Variants in SMARCA2 observed in about 807,000 individuals in gnomAD.
SMARCA2 encodes SWI/SNF-related matrix-associated actin-dependent regulator of chromatin subfamily A member 2.
In SMARCA2, 61 loss-of-function variants were observed where a neutral mutation model predicts 199.8. The observed-to-expected ratio is 0.31, with a 90% CI of 0.25 to 0.38. The LOEUF (loss-of-function observed/expected upper bound fraction) is 0.38, where lower values mean the gene tolerates loss of function less well. SMARCA2 is among the 10% of genes least tolerant of loss of function. The pLI, the probability that SMARCA2 is intolerant of heterozygous loss-of-function variation, is 1.00. For missense variants in SMARCA2, 1,344 were observed against 2,012.2 expected, an observed-to-expected ratio of 0.67 and a Z score of 6.35; for synonymous variants, 935 against 732.0, an observed-to-expected ratio of 1.28 and a Z score of -4.48.
intron 24 of SMARCA2, among the ~76,000 whole-genome samples, chr9:2,113,261 C>A (rs894770472): frequency 6.6e-6 from 1 of 151,222 alleles, no homozygotes; most frequent in African/African-American, 2.4e-5. Flanking sequence ...GTGGAATTAA[C>A]AAAAAAAAAT....
intron 28 of SMARCA2, among the ~76,000 whole-genome samples, chr9:2,168,599 A>C (rs1273332777): frequency 6.6e-6 from 1 of 152,190 alleles, no homozygotes; most frequent in Non-Finnish European, 1.5e-5. Context: ...GCTTTCCCAC[A>C]CTGATTATCA....
At chr9:2,179,779 A>G (rs751765834) in intron 29 of SMARCA2, among the ~76,000 whole-genome samples, 15 of 152,244 alleles carry the variant, frequency 9.9e-5, no homozygotes, top group Non-Finnish European at 2.1e-4. Context: ...AGATGACACC[A>G]TGAAGATGTG....
chr9:2,174,300 C>T (rs1448603842), intron 29 of SMARCA2, among the ~76,000 whole-genome samples: 3 of 152,108 alleles, frequency 2.0e-5, no homozygotes, highest in African/African-American at 7.2e-5. Flanking sequence ...CCAAACCACT[C>T]TATAAATGTT....
chr9:2,142,623 T>C (rs1824519729), intron 27 of SMARCA2, among the ~76,000 whole-genome samples: 1 of 152,216 alleles, frequency 6.6e-6, no homozygotes. Context: ...GTTGAACGTC[T>C]TCAAGCCGTT....
chr9:2,152,779 G>A (rs1214155790), intron 27 of SMARCA2, among the ~76,000 whole-genome samples: 8 of 151,886 alleles, frequency 5.3e-5, no homozygotes, highest in Non-Finnish European at 1.2e-4. Flanking sequence ...TTGAACCTGG[G>A]AGGCGGAGGT....
intron 11 of SMARCA2, 93 bp downstream of exon 11, chr9:2,073,435 G>A: frequency 1.3e-6 from 2 of 1,544,580 alleles, no homozygotes; most frequent in Non-Finnish European, 8.9e-7. Context: ...CACAGCCTTT[G>A]CTGAGATGGT....
At chr9:2,057,204 A>G (rs950581840) in intron 7 of SMARCA2, among the ~76,000 whole-genome samples, 8 of 152,344 alleles carry the variant, frequency 5.3e-5, no homozygotes, top group Admixed American at 2.0e-4. Context: ...TCAGGGTACT[A>G]GCATGGCTGG....
At chr9:2,051,730 C>G (rs957419318) in intron 5 of SMARCA2, among the ~76,000 whole-genome samples, 13 of 152,178 alleles carry the variant, frequency 8.5e-5, no homozygotes, top group African/African-American at 3.1e-4. Flanking sequence ...TGCGGAATAA[C>G]CAAATCATTG....
At chr9:2,048,988 C>T (rs955945620) in intron 5 of SMARCA2, among the ~76,000 whole-genome samples, 1 of 152,136 alleles carries the variant, frequency 6.6e-6, no homozygotes, top group Admixed American at 6.5e-5. Flanking sequence ...TGTGGATGCT[C>T]TAAAATTCTG....
chr9:2,189,180 T>G (rs905664988), intron 32 of SMARCA2, among the ~76,000 whole-genome samples: 1 of 152,198 alleles, frequency 6.6e-6, no homozygotes, highest in Admixed American at 6.5e-5. Flanking sequence ...ATGGACATCT[T>G]GTGAGGAGAT....
rs868099341 is a variant in SMARCA2, at chr9:2,097,553, A to T, written c.3078+82A>T. ...AAAAAAAAACAAACAAACAGGAAAA[A>T]AAAAAACCAAAATAGATTTAAAACA... On this transcript the variant is annotated intron_variant, in intron 21 of 33. Transcript: ENST00000349721. 8,261 of 827,676 alleles carry T rather than the reference A, an allele frequency of 1.0e-2. 388 individuals carry two copies. In the African/African-American group the frequency reaches 0.11, roughly 11 times the overall value. The allele number at this position is 827,676 out of a possible 1,614,324, so 51.3% of individuals were successfully genotyped here.
intron 23 of SMARCA2, among the ~76,000 whole-genome samples, chr9:2,107,319 T>G (rs1249395690): frequency 6.6e-6 from 1 of 152,106 alleles, no homozygotes; most frequent in African/African-American, 2.4e-5. Flanking sequence ...TACAGTTTAT[T>G]TAATTTAATT....
intron 10 of SMARCA2, 148 bp downstream of exon 10, chr9:2,070,619 A>G (rs10964637): frequency 1.6e-6 from 1 of 616,964 alleles, no homozygotes; most frequent in Non-Finnish European, 2.9e-6. Context: ...GTAGAAAATT[A>G]GAATGATACA....
chr9:2,076,931 G>A (rs1232564599), intron 13 of SMARCA2, among the ~76,000 whole-genome samples: 1 of 152,078 alleles, frequency 6.6e-6, no homozygotes, highest in Non-Finnish European at 1.5e-5. Context: ...GAAAACTGTT[G>A]TGAAACAATA....
chr9:2,069,451 T>C (rs1324338151), intron 9 of SMARCA2, among the ~76,000 whole-genome samples: 16 of 150,268 alleles, frequency 1.1e-4, no homozygotes, highest in South Asian at 6.3e-4. Context: ...CCCAGCTACT[T>C]GGGAGGCTGA....
At chr9:2,132,401 C>T (rs1007088469) in intron 27 of SMARCA2, among the ~76,000 whole-genome samples, 2 of 152,010 alleles carry the variant, frequency 1.3e-5, no homozygotes, top group African/African-American at 4.8e-5. Flanking sequence ...TAGTGATTCT[C>T]GTAGATGTAC....
At chr9:2,041,706 T>G (rs548095223) in intron 4 of SMARCA2, 1 of 298,400 alleles carries the variant, frequency 3.4e-6, no homozygotes, top group East Asian at 5.5e-5. Context: ...TGGAGGATCA[T>G]AGAGAACTGA....
At position 2,029,035 on chromosome 9, in the gene SMARCA2, A is replaced by T; in HGVS notation, c.13A>T (p.Thr5Ser). MSTP[T>S]DPGAMPHPGP... is the part of the protein sequence containing the mutation. Reference sequence around the variant, plus strand: ...ACAGGAGAGGTAGATGTCCACGCCCACAGACCCTGGTGCGATGCCCCACCC... The same window carrying T: ...ACAGGAGAGGTAGATGTCCACGCCCTCAGACCCTGGTGCGATGCCCCACCC... The change falls in exon 2 of 34, where the codon ACA becomes TCA. Residue 5 changes from threonine (T) to serine (S), a missense_variant. Physicochemically the swap from Thr to Ser is moderately conservative, Grantham distance 58 (BLOSUM62 1). This residue lies in a region of SMARCA2 where 275 missense variants were observed against 247.5 expected (regional missense o/e 1.11). Transcript: ENST00000349721. The T allele has an allele frequency of 6.4e-7, 1 of 1,551,252 alleles. No individual in the cohort carries two copies. Among genetic ancestry groups the T allele is most frequent in the African/African-American group, 1.4e-5 (1 of 73,136 alleles).
rs529509547 is a variant in SMARCA2, at chr9:2,030,390, TGAGAACCAG to T, written c.225+1159_225+1167del. Among the ~76,000 whole-genome samples, 11 of 151,954 alleles carry T rather than the reference TGAGAACCAG, an allele frequency of 7.2e-5. No homozygotes were observed. In the South Asian group the frequency reaches 1.7e-3, roughly 23 times the overall value. On this transcript the variant is annotated intron_variant, in intron 2 of 33. Transcript: ENST00000349721. ...ACTGATGATGTGAGTTCCAGTGATG[TGAGAACCAG>T]GAGAACCAGGAGAACTGATGATGTG...
Sources: allele counts gnomAD v4.1 joint callset (sites outside exome capture counted in the v4.1 genomes callset), GRCh38; gene constraint gnomAD v4.1.1; regional missense constraint gnomAD v4.1.1; transcripts MANE v1.5; gene names NCBI Gene and HGNC (gene_info 2026-07-23, HGNC 2026-07-21).